The following TENM3 variants were observed in gnomAD, a reference collection of about 807,000 sequenced individuals.
The protein encoded by TENM3 is teneurin transmembrane protein 3.
Under a neutral mutation model 255.1 loss-of-function variants are expected in TENM3, and 63 were observed. That is an observed-to-expected ratio of 0.25 (90% confidence interval 0.20 to 0.30). TENM3 has a LOEUF of 0.30. TENM3 is among the 10% of genes least tolerant of loss of function. TENM3 has a pLI of 1.00. For synonymous variants in TENM3, 1,306 were observed against 1,322.3 expected, an observed-to-expected ratio of 0.99 and a Z score of 0.27; for missense variants, 2,929 against 3,461.1, an observed-to-expected ratio of 0.85 and a Z score of 3.86.
intron 1 of TENM3, among the ~76,000 whole-genome samples, chr4:182,153,479 A>C (rs980390289): frequency 6.6e-5 from 10 of 152,126 alleles, no homozygotes; most frequent in African/African-American, 2.4e-4. Flanking sequence ...CTTGCATTTC[A>C]TTCAAGTATG....
the TENM3 span, among the ~76,000 whole-genome samples, chr4:181,555,007 C>T: frequency 7.9e-5 from 12 of 152,154 alleles, no homozygotes; most frequent in East Asian, 3.9e-4. Flanking sequence ...AGAATTTAAC[C>T]GGTAATAATT....
At chr4:181,801,167 GTA>G in the TENM3 span, among the ~76,000 whole-genome samples, 1 of 152,084 alleles carries the variant, frequency 6.6e-6, no homozygotes, top group Non-Finnish European at 1.5e-5. Context: ...CTGGTCATGT[GTA>G]TGTGTGTGTC....
chr4:181,795,585 CA>C, the TENM3 span, among the ~76,000 whole-genome samples: 3 of 152,126 alleles, frequency 2.0e-5, no homozygotes, highest in Non-Finnish European at 4.4e-5. Context: ...AAGGTATGAT[CA>C]ATACCAGTTG....
chr4:181,927,838 ATCT>A, the TENM3 span, among the ~76,000 whole-genome samples: 13 of 152,188 alleles, frequency 8.5e-5, no homozygotes, highest in African/African-American at 2.9e-4. Context: ...ACAGACAGAA[ATCT>A]TCTTTGCTGC....
At chr4:181,641,550 GTGTGTATATATATATATA>G in the TENM3 span, among the ~76,000 whole-genome samples, 1,147 of 49,026 alleles carry the variant, frequency 0.023, 30 homozygotes, top group East Asian at 0.048. Flanking sequence ...TCCATGGTGT[GTGTGTATATATATATATA>G]TATATATATA....
At chr4:182,797,068 T>C (rs1369923542) in intron 27 of TENM3, among the ~76,000 whole-genome samples, 1 of 152,100 alleles carries the variant, frequency 6.6e-6, no homozygotes, top group Non-Finnish European at 1.5e-5. Flanking sequence ...AAAAATACAA[T>C]AAACAAAAGG....
intron 3 of TENM3, among the ~76,000 whole-genome samples, chr4:182,466,652 A>G (rs1370002230): frequency 1.3e-5 from 2 of 151,976 alleles, no homozygotes; most frequent in Non-Finnish European, 2.9e-5. Flanking sequence ...TTTATCTTAT[A>G]AGAACCCTGT....
At chr4:182,301,946 C>G (rs924576211) in intron 1 of TENM3, among the ~76,000 whole-genome samples, 2 of 152,136 alleles carry the variant, frequency 1.3e-5, no homozygotes, top group Non-Finnish European at 2.9e-5. Context: ...GGGACACGCT[C>G]GGGTGCCTTC....
At chr4:182,117,783 A>G in the TENM3 span, among the ~76,000 whole-genome samples, 1 of 152,150 alleles carries the variant, frequency 6.6e-6, no homozygotes, top group African/African-American at 2.4e-5. Flanking sequence ...TTTTTTCCAT[A>G]TAAACTTTGG....
intron 1 of TENM3, among the ~76,000 whole-genome samples, chr4:182,259,326 A>G (rs1034658080): frequency 1.3e-5 from 2 of 152,102 alleles, no homozygotes; most frequent in Non-Finnish European, 2.9e-5. Flanking sequence ...GTATTTATTT[A>G]TTTAGATACA....
At chr4:181,841,941 G>A in the TENM3 span, among the ~76,000 whole-genome samples, 1 of 152,106 alleles carries the variant, frequency 6.6e-6, no homozygotes, top group African/African-American at 2.4e-5. Flanking sequence ...ACTCAAAGGG[G>A]AGTTTTATAG....
chr4:182,415,242 T>C (rs991181347), intron 3 of TENM3, among the ~76,000 whole-genome samples: 2 of 152,198 alleles, frequency 1.3e-5, no homozygotes, highest in Non-Finnish European at 2.9e-5. Context: ...GAATGCTTGG[T>C]TGTGTCATCA....
rs553636235 is a variant in TENM3, at chr4:182,577,912, CATTTTT to C, written c.512-23004_512-22999del. Reference sequence around the variant, plus strand: ...TGCCTTCCCTCCTGAGGAGGATTCCCATTTTTATTTTTAAGTTTTTGCTTAAATGTC... The same window carrying C: ...TGCCTTCCCTCCTGAGGAGGATTCCCATTTTTAAGTTTTTGCTTAAATGTC... On this transcript the variant is annotated intron_variant, in intron 3 of 27. Coordinates refer to ENST00000511685, the MANE Select transcript of TENM3 (RefSeq NM_001080477.4). 3.8e-4 allele frequency among the ~76,000 whole-genome samples: 58 copies of C among 152,164 alleles called. No individual in the cohort carries two copies. In the East Asian group the frequency reaches 4.2e-3, roughly 11 times the overall value.
intron 6 of TENM3, among the ~76,000 whole-genome samples, chr4:182,662,791 T>C (rs1050689287): frequency 1.1e-4 from 16 of 152,228 alleles, no homozygotes; most frequent in African/African-American, 3.9e-4. Context: ...TTTATCAAAC[T>C]GTGTCAATGG....
chr4:182,042,334 A>G, the TENM3 span, among the ~76,000 whole-genome samples: 25 of 152,132 alleles, frequency 1.6e-4, no homozygotes, highest in Admixed American at 2.6e-4. Context: ...TTAAAACCAT[A>G]TTCTGAGGGC....
At chr4:181,912,196 G>A in the TENM3 span, among the ~76,000 whole-genome samples, 1 of 152,226 alleles carries the variant, frequency 6.6e-6, no homozygotes, top group Non-Finnish European at 1.5e-5. Flanking sequence ...AAGGGGAAAA[G>A]GCAAGGGAAA....
the TENM3 span, among the ~76,000 whole-genome samples, chr4:181,980,657 TCA>T: frequency 1.3e-5 from 2 of 152,208 alleles, no homozygotes; most frequent in Non-Finnish European, 2.9e-5. Flanking sequence ...ATCTTAAAAC[TCA>T]CAGCTCTTTT....
At chr4:182,574,254 G>T (rs1322693589) in intron 3 of TENM3, among the ~76,000 whole-genome samples, 1 of 151,862 alleles carries the variant, frequency 6.6e-6, no homozygotes, top group Non-Finnish European at 1.5e-5. Flanking sequence ...GTAGCGTGTG[G>T]ATTTCTACTC....
intron 1 of TENM3, among the ~76,000 whole-genome samples, chr4:182,323,071 G>A (rs140909228): frequency 6.2e-4 from 95 of 152,144 alleles, no homozygotes; most frequent in Admixed American, 2.4e-3. Context: ...GATTCGCCCC[G>A]GGCCACTCTC....
Sources: allele counts gnomAD v4.1 joint callset (sites outside exome capture counted in the v4.1 genomes callset), GRCh38; gene constraint gnomAD v4.1.1; transcripts MANE v1.5; gene names NCBI Gene and HGNC (gene_info 2026-07-23, HGNC 2026-07-21).